SH3TC1: variants seen among roughly 807,000 people sequenced by gnomAD.
SH3TC1 encodes the protein SH3 domain and tetratricopeptide repeat-containing protein 1.
Under a neutral mutation model 117.3 loss-of-function variants are expected in SH3TC1, and 135 were observed. The observed-to-expected ratio is 1.15, with a 90% confidence interval of 1.00 to 1.33. The LOEUF is 1.33. Among genes scored for constraint, SH3TC1 ranks in the 40% most tolerant of loss-of-function variants. SH3TC1 has a pLI of 0.00. For missense variants in SH3TC1, 2,092 were observed against 1,794.3 expected (o/e 1.17, Z -3.00); for synonymous variants, 898 against 816.9 (o/e 1.10, Z -1.69).
At chr4:8,200,696 G>A (rs1388826365) in intron 1 of SH3TC1, among the ~76,000 whole-genome samples, 1 of 152,226 alleles carries the variant, frequency 6.6e-6, no homozygotes, top group Admixed American at 6.5e-5. Flanking sequence ...AGCCCTCTCG[G>A]TCGTGTTCTC....
chr4:8,186,490 G>T lies in SH3TC1; in HGVS notation c.-57+4280G>T, dbSNP rs1214047479. 6.6e-6 allele frequency among the ~76,000 whole-genome samples: 1 copy of T among 152,222 alleles called. No individual in the cohort carries two copies. On this transcript the variant is annotated intron_variant, in intron 1 of 16. Coordinates refer to the SH3TC1 transcript ENST00000508641. This position sits in a 1 kb window ranked among gnomAD's most constrained non-coding sequence, Gnocchi z 5.2. Reference sequence around the variant, plus strand: ...CGAGTGTGAATTGTGAGTAAAAATAGCAGGTCCACGTTGGTTTACTGAATG... The same window carrying T: ...CGAGTGTGAATTGTGAGTAAAAATATCAGGTCCACGTTGGTTTACTGAATG...
In SH3TC1 at chr4:8,201,225, C is replaced by T. The variant is rs550611943; in HGVS notation, c.-29+1820C>T. Among the ~76,000 whole-genome samples, 239 of 152,340 alleles carry T rather than the reference C, an allele frequency of 1.6e-3. 1 individual carries two copies. Among genetic ancestry groups the T allele is most frequent in the African/African-American group, 5.5e-3 (229 of 41,576 alleles). ...CTCCCTTCTTCTTCCAACCCACATTCACCAAACTCTGACTGTGGACCAGGA... is the reference window on the plus strand; with the variant it reads ...CTCCCTTCTTCTTCCAACCCACATTTACCAAACTCTGACTGTGGACCAGGA... On this transcript the variant is annotated intron_variant, in intron 1 of 17. Coordinates refer to ENST00000245105, the MANE Select transcript of SH3TC1 (RefSeq NM_018986.5).
chr4:8,223,668 T>A (rs1720161688), intron 10 of SH3TC1, among the ~76,000 whole-genome samples: 1 of 150,630 alleles, frequency 6.6e-6, no homozygotes, highest in African/African-American at 2.4e-5. Context: ...AGTCCTGTGC[T>A]GTTGCCCAGG....
At chr4:8,213,883 C>T (rs1055291940) in intron 4 of SH3TC1, among the ~76,000 whole-genome samples, 22 of 53,430 alleles carry the variant, frequency 4.1e-4, no homozygotes, top group African/African-American at 1.6e-3. Context: ...GGGGCCTCAT[C>T]TCTGGAAAAA....
intron 12 of SH3TC1, among the ~76,000 whole-genome samples, chr4:8,230,929 A>ATTG (rs1721142954): frequency 6.6e-6 from 1 of 151,472 alleles, no homozygotes; most frequent in Non-Finnish European, 1.5e-5. Context: ...ACAGACATGC[A>ATTG]CCACCACACC....
chr4:8,194,644 A>G (rs185490847), upstream of SH3TC1, among the ~76,000 whole-genome samples: 284 of 152,320 alleles, frequency 1.9e-3, 7 homozygotes, highest in Admixed American at 0.016. Context: ...GAGAAACTCT[A>G]AGACTATCCC....
intron 2 of SH3TC1, among the ~76,000 whole-genome samples, chr4:8,207,819 A>G (rs752132807): frequency 1.3e-5 from 2 of 152,158 alleles, no homozygotes; most frequent in Admixed American, 6.5e-5. Context: ...GGGATCGGCC[A>G]TATCCACAGC....
chr4:8,205,163 A>G lies in SH3TC1; in HGVS notation c.-28-4A>G. 1 of 1,473,752 alleles carries G rather than the reference A, an allele frequency of 6.8e-7. No individual in the cohort carries two copies. The highest frequency in any genetic ancestry group is 9.0e-7 in the Non-Finnish European group (1 of 1,111,820). 91.3% of individuals were successfully genotyped at this position (1,473,752 alleles called of 1,614,324 possible). On this transcript the variant is annotated splice_region_variant and splice_polypyrimidine_tract_variant and intron_variant, in intron 1 of 17. Transcript: ENST00000245105. This position sits in a 1 kb window ranked among gnomAD's most constrained non-coding sequence, Gnocchi z 5.4. The stretch of plus-strand genomic sequence containing the variant: ...TCTCCTGACCACACCCCCTCTGTCC[A>G]CAGGGCCAGGCATGTGAGGTCTCTG...
At chr4:8,234,557 G>T (rs1721631845) in intron 14 of SH3TC1, among the ~76,000 whole-genome samples, 1 of 147,986 alleles carries the variant, frequency 6.8e-6, no homozygotes, top group Non-Finnish European at 1.5e-5. Flanking sequence ...CTATACATCT[G>T]CTCATCCATT....
intron 14 of SH3TC1, 135 bp downstream of exon 14, chr4:8,233,648 A>G: frequency 1.8e-6 from 2 of 1,087,854 alleles, no homozygotes; most frequent in Non-Finnish European, 2.5e-6. Flanking sequence ...CCATCCATCC[A>G]TCCTTCCATC....
intron 1 of SH3TC1, among the ~76,000 whole-genome samples, chr4:8,204,216 C>T (rs955202051): frequency 6.6e-6 from 1 of 152,200 alleles, no homozygotes; most frequent in Non-Finnish European, 1.5e-5. Context: ...GGGACGAGTC[C>T]ACGCACCGGA....
intron 17 of SH3TC1, among the ~76,000 whole-genome samples, chr4:8,239,268 G>C (rs569606296): frequency 6.6e-6 from 1 of 150,448 alleles, no homozygotes; most frequent in Non-Finnish European, 1.5e-5. Context: ...CACACACAGA[G>C]ACACATGCAC....
upstream of SH3TC1, among the ~76,000 whole-genome samples, chr4:8,196,434 T>C (rs1053061609): frequency 4.0e-5 from 6 of 151,428 alleles, no homozygotes; most frequent in African/African-American, 1.5e-4. This position sits in a 1 kb window ranked among gnomAD's most constrained non-coding sequence, Gnocchi z 4.6. Flanking sequence ...GGTGCTTCTG[T>C]GGGCATCCAC....
At position 8,227,010 on chromosome 4, in the gene SH3TC1, C is replaced by T. The variant is rs955694140; in HGVS notation, c.1316C>T (p.Pro439Leu). ...CCTCCACCTTGCCTGAGCCTGGAGC[C>T]ACAGGAGACCTTGCAGAAGGTGAAG... ...EIPPPCLSLE[P>L]QETLQKVKNV... The change falls in exon 12 of 18, where the codon CCA (proline) becomes CTA (leucine). Residue 439 changes from proline to leucine, a missense_variant. Physicochemically the swap from Pro to Leu is moderately conservative, Grantham distance 98 (BLOSUM62 -3). Coordinates refer to ENST00000245105, the MANE Select transcript of SH3TC1 (RefSeq NM_018986.5). The T allele has an allele frequency of 9.6e-6, 15 of 1,563,214 alleles. No homozygotes were observed. In the East Asian group the frequency reaches 2.0e-4, roughly 21 times the overall value.
intron 1 of SH3TC1, among the ~76,000 whole-genome samples, chr4:8,189,465 G>T (rs1395006640): frequency 2.0e-5 from 3 of 152,234 alleles, no homozygotes; most frequent in Admixed American, 6.5e-5. Context: ...GGAGGAGAAG[G>T]GGTGCCAGGA....
rs371806456 is a variant in SH3TC1 at position 8,212,315 on chromosome 4, G to A, written c.248-386G>A. Among the ~76,000 whole-genome samples the A allele has an allele frequency of 2.3e-3, 353 of 150,898 alleles. 7 individuals are homozygous for A. Among genetic ancestry groups the A allele is most frequent in the African/African-American group, 8.3e-3 (334 of 40,258 alleles). On this transcript the variant is annotated intron_variant, in intron 3 of 17. Coordinates refer to ENST00000245105, the MANE Select transcript of SH3TC1 (RefSeq NM_018986.5). The stretch of plus-strand genomic sequence containing the variant: ...GTGCGGCTGTCCAGGTCCTGTGCCC[G>A]CAAGTTCCAATGCAGCAACCCTCTG...
At chr4:8,217,365 G>T (rs1357520899) in intron 7 of SH3TC1, among the ~76,000 whole-genome samples, 198 bp downstream of exon 7, 1 of 152,256 alleles carries the variant, frequency 6.6e-6, no homozygotes, top group African/African-American at 2.4e-5. Flanking sequence ...CCTGCCAGCT[G>T]CATGATAGGC....
At chr4:8,232,642 AC>A in intron 13 of SH3TC1, 1 of 1,304,084 alleles carries the variant, frequency 7.7e-7, no homozygotes, top group Non-Finnish European at 1.0e-6. Context: ...CATGTGGCCC[AC>A]TTGGCTCTCC....
At chr4:8,202,770 T>C (rs1242190447) in intron 1 of SH3TC1, among the ~76,000 whole-genome samples, 4 of 152,194 alleles carry the variant, frequency 2.6e-5, no homozygotes, top group East Asian at 3.9e-4. Context: ...CGGCCAGAGC[T>C]AGGGGACCCT....
Sources: allele counts gnomAD v4.1 joint callset (sites outside exome capture counted in the v4.1 genomes callset), GRCh38; gene constraint gnomAD v4.1.1; non-coding constraint Gnocchi (gnomAD v3.1); transcripts MANE v1.5; gene names NCBI Gene and HGNC (gene_info 2026-07-23, HGNC 2026-07-21).